The following ATP1B3 variants were observed in gnomAD, a reference collection of about 807,000 sequenced individuals.
The protein encoded by ATP1B3 is sodium/potassium-transporting ATPase subunit beta-3.
In ATP1B3, 10 loss-of-function variants were observed where a neutral mutation model predicts 30.2. The observed-to-expected ratio is 0.33, with a 90% CI of 0.20 to 0.56. The LOEUF is 0.56. Among genes scored for constraint, ATP1B3 ranks in the 20% least tolerant of loss-of-function variants. The pLI is 0.90. For synonymous variants in ATP1B3, 113 were observed against 117.0 expected (o/e 0.97, Z 0.22); for missense variants, 238 against 336.7 (o/e 0.71, Z 2.29).
intron 3 of ATP1B3, among the ~76,000 whole-genome samples, chr3:141,912,893 C>T (rs748523276): frequency 3.9e-5 from 6 of 152,234 alleles, no homozygotes; most frequent in African/African-American, 9.6e-5. Context: ...GAGCTAGTCT[C>T]TCACCTGGGC....
chr3:141,908,683 G>T (rs1028342810), intron 3 of ATP1B3, among the ~76,000 whole-genome samples: 1 of 152,152 alleles, frequency 6.6e-6, no homozygotes, highest in Non-Finnish European at 1.5e-5. Context: ...TTGCTTAACT[G>T]CCTGGTAATC....
chr3:141,913,861 G>C, intron 4 of ATP1B3, 25 bp downstream of exon 4: 1 of 1,564,428 alleles, frequency 6.4e-7, no homozygotes, highest in South Asian at 1.2e-5. Context: ...TACCTCTGCT[G>C]CTGCTTTTTT....
intron 1 of ATP1B3, among the ~76,000 whole-genome samples, chr3:141,881,001 C>T (rs1240366992): frequency 2.6e-5 from 4 of 152,078 alleles, no homozygotes; most frequent in African/African-American, 9.7e-5. Flanking sequence ...AGTCAGAGTT[C>T]GAGACCAGCC....
At chr3:141,883,630 A>G (rs1398505914) in intron 1 of ATP1B3, among the ~76,000 whole-genome samples, 1 of 152,146 alleles carries the variant, frequency 6.6e-6, no homozygotes, top group Non-Finnish European at 1.5e-5. Flanking sequence ...TTCTTGTCTT[A>G]TTCCTCTTTG....
chr3:141,911,838 C>T (rs16851955), intron 3 of ATP1B3, among the ~76,000 whole-genome samples: 10,679 of 152,154 alleles, frequency 0.07, 411 homozygotes, highest in Middle Eastern at 0.16. Context: ...GCATAGGGCT[C>T]CTTGGTTACT....
intron 3 of ATP1B3, among the ~76,000 whole-genome samples, chr3:141,913,185 A>G (rs576000126): frequency 1.3e-4 from 20 of 149,780 alleles, no homozygotes; most frequent in Non-Finnish European, 2.2e-4. Context: ...ACCCTTCTGC[A>G]TTCAGCTCAG....
At chr3:141,922,688 C>A (rs531157821) in intron 6 of ATP1B3, among the ~76,000 whole-genome samples, 26 of 152,004 alleles carry the variant, frequency 1.7e-4, no homozygotes, top group South Asian at 6.2e-4. Flanking sequence ...AAAATCAAGG[C>A]CAGGCGCAGT....
At chr3:141,901,786 A>T (rs1003452064) in intron 1 of ATP1B3, among the ~76,000 whole-genome samples, 1 of 152,256 alleles carries the variant, frequency 6.6e-6, no homozygotes, top group Non-Finnish European at 1.5e-5. Context: ...TGTAACAAGA[A>T]TATTTTAAGA....
chr3:141,901,132 A>T (rs1934155383), intron 1 of ATP1B3, among the ~76,000 whole-genome samples: 1 of 152,176 alleles, frequency 6.6e-6, no homozygotes, highest in Non-Finnish European at 1.5e-5. Context: ...GAAAGATTTT[A>T]AACTAGCTAG....
At chr3:141,902,323 T>C (rs1934179539) in intron 1 of ATP1B3, 2 of 877,032 alleles carry the variant, frequency 2.3e-6, no homozygotes, top group Non-Finnish European at 3.3e-6. Flanking sequence ...TTGGGGGTGA[T>C]TCCTGCCTTG....
At chr3:141,885,723 C>T (rs779778095) in intron 1 of ATP1B3, among the ~76,000 whole-genome samples, 3 of 152,158 alleles carry the variant, frequency 2.0e-5, no homozygotes, top group Non-Finnish European at 2.9e-5. Context: ...GCTGGGATTA[C>T]AGATGTGAGC....
At position 141,889,758 on chromosome 3, in the gene ATP1B3, C is replaced by CAT. The variant is rs1322858540; in HGVS notation, c.109+12849_109+12850insTA. Reference sequence around the variant, plus strand: ...AAAAAAAAAAAAAAAAAAATATATACACACACACACACACACACACACACA... The same window carrying CAT: ...AAAAAAAAAAAAAAAAAAATATATACATACACACACACACACACACACACACA... On this transcript the variant is annotated intron_variant, in intron 1 of 6. Transcript: ENST00000286371. 5.9e-3 allele frequency among the ~76,000 whole-genome samples: 375 copies of CAT among 63,048 alleles called. 43 individuals are homozygous for CAT. Among genetic ancestry groups the CAT allele is most frequent in the African/African-American group, 0.019 (355 of 18,890 alleles). 41.4% of individuals were successfully genotyped at this position (63,048 alleles called of 152,430 possible).
At chr3:141,917,699 A>C (rs567172260) in intron 5 of ATP1B3, among the ~76,000 whole-genome samples, 2 of 152,012 alleles carry the variant, frequency 1.3e-5, no homozygotes, top group Non-Finnish European at 2.9e-5. Flanking sequence ...TCACACACAC[A>C]CAAAAAGCCA....
intron 1 of ATP1B3, among the ~76,000 whole-genome samples, chr3:141,902,659 A>C (rs1333680746): frequency 6.6e-6 from 1 of 152,212 alleles, no homozygotes; most frequent in African/African-American, 2.4e-5. Context: ...CAAATTGTGA[A>C]AGGAAAGAGA....
intron 2 of ATP1B3, among the ~76,000 whole-genome samples, chr3:141,904,703 CTTTTTTTTTT>C (rs35178202): frequency 4.5e-5 from 4 of 89,376 alleles, no homozygotes; most frequent in Non-Finnish European, 6.2e-5. Flanking sequence ...TTTAAACAGT[CTTTTTTTTTT>C]TTTTTTTTTT....
At chr3:141,901,111 G>C (rs1934154993) in intron 1 of ATP1B3, among the ~76,000 whole-genome samples, 1 of 152,118 alleles carries the variant, frequency 6.6e-6, no homozygotes, top group Non-Finnish European at 1.5e-5. Flanking sequence ...TGGGTAATAA[G>C]GAAATTTCTT....
chr3:141,903,447 C>T (rs1270887191), intron 1 of ATP1B3, among the ~76,000 whole-genome samples, 173 bp from the exon 2 acceptor site: 1 of 152,022 alleles, frequency 6.6e-6, no homozygotes, highest in Admixed American at 6.6e-5. Context: ...GCTGAAATAC[C>T]CCTTGCTTGG....
chr3:141,904,036 T>TGGCC (rs1264861004), intron 2 of ATP1B3, among the ~76,000 whole-genome samples: 1 of 152,190 alleles, frequency 6.6e-6, no homozygotes, highest in African/African-American at 2.4e-5. Flanking sequence ...TGCCCCGCCT[T>TGGCC]GGCCTCCCAA....
intron 4 of ATP1B3, 142 bp downstream of exon 4, chr3:141,913,978 G>C: frequency 1.3e-6 from 1 of 751,124 alleles, no homozygotes; most frequent in Non-Finnish European, 2.1e-6. Flanking sequence ...TTAAAGACTA[G>C]CAGTAATGTT....
Sources: gnomAD v4.1 joint callset for allele counts (sites outside exome capture counted in the v4.1 genomes callset) on GRCh38, gnomAD v4.1.1 for gene constraint, MANE v1.5 for transcripts, NCBI Gene and HGNC (gene_info 2026-07-23, HGNC 2026-07-21) for gene names.